CCSER1: variants seen among roughly 807,000 people sequenced by gnomAD.
CCSER1 encodes the protein coiled-coil serine rich protein 1.
A neutral mutation model predicts 82.0 loss-of-function variants in CCSER1; 41 were observed. That is an observed-to-expected ratio of 0.50 (90% CI 0.39 to 0.65). The LOEUF (loss-of-function observed/expected upper bound fraction) is 0.65. Ranked by LOEUF, CCSER1 falls within the 30% of genes least tolerant of loss-of-function variation. The pLI is 0.00. For missense variants in CCSER1, 1,119 were observed against 1,064.2 expected, an observed-to-expected ratio of 1.05 and a Z score of -0.72; for synonymous variants, 414 against 383.9, an observed-to-expected ratio of 1.08 and a Z score of -0.92.
intron 5 of CCSER1, among the ~76,000 whole-genome samples, chr4:90,567,620 T>G (rs2153652118): frequency 6.6e-6 from 1 of 150,566 alleles, no homozygotes; most frequent in South Asian, 2.1e-4. Context: ...TTTTTTTTTT[T>G]TTTTTGACAA....
At chr4:90,168,873 C>T (rs1202284597) in intron 1 of CCSER1, among the ~76,000 whole-genome samples, 1 of 149,446 alleles carries the variant, frequency 6.7e-6, no homozygotes, top group Non-Finnish European at 1.5e-5. Context: ...ATTTTGGTTA[C>T]TGTAGCCTTG....
intron 4 of CCSER1, among the ~76,000 whole-genome samples, chr4:90,455,859 T>C (rs1010358624): frequency 2.0e-5 from 3 of 152,188 alleles, no homozygotes; most frequent in Admixed American, 6.5e-5. Flanking sequence ...CATGCTCACC[T>C]GCGCCGTGCC....
chr4:90,745,767 G>T (rs1014491784), intron 7 of CCSER1, among the ~76,000 whole-genome samples: 2 of 135,068 alleles, frequency 1.5e-5, no homozygotes, highest in African/African-American at 5.6e-5. Flanking sequence ...TCGGCTCACT[G>T]CAAGCTCCGC....
At chr4:91,378,450 T>C (rs969797539) in intron 10 of CCSER1, among the ~76,000 whole-genome samples, 1 of 152,268 alleles carries the variant, frequency 6.6e-6, no homozygotes, top group Admixed American at 6.5e-5. Context: ...TAGTTCTCCT[T>C]GAAGAAGTCC....
intron 3 of CCSER1, among the ~76,000 whole-genome samples, chr4:90,320,797 T>C (rs4694022): frequency 0.61 from 93,365 of 151,922 alleles, 29,845 homozygotes; most frequent in East Asian, 0.82. Context: ...ACAATTTGTA[T>C]GTTTGTTGGG....
chr4:90,882,161 A>G (rs1721428206), intron 8 of CCSER1, among the ~76,000 whole-genome samples: 1 of 152,066 alleles, frequency 6.6e-6, no homozygotes, highest in Non-Finnish European at 1.5e-5. Flanking sequence ...ATCCTCTTTC[A>G]CAGTCCTTTA....
rs888460159 is a variant in CCSER1 at position 90,849,822 on chromosome 4, T to C, written c.2094+33977T>C. Among the ~76,000 whole-genome samples the C allele has an allele frequency of 1.3e-5, 2 of 151,636 alleles. 1 individual carries two copies. The highest frequency in any genetic ancestry group is 4.2e-4 in the South Asian group (2 of 4,798). On this transcript the variant is annotated intron_variant, in intron 8 of 10. Transcript: ENST00000509176. ...AAAAAAAAAAAAAAAGAAAACCCAT[T>C]TTCTGAGGAGAAATTCAAGCCCTAT...
intron 2 of CCSER1, among the ~76,000 whole-genome samples, chr4:90,311,322 C>T (rs968347921): frequency 1.3e-5 from 2 of 152,002 alleles, no homozygotes; most frequent in Non-Finnish European, 2.9e-5. Context: ...GCATATTTTT[C>T]TCTCTCTGGA....
intron 5 of CCSER1, among the ~76,000 whole-genome samples, chr4:90,523,243 G>A (rs1773353476): frequency 6.6e-6 from 1 of 152,058 alleles, no homozygotes; most frequent in South Asian, 2.1e-4. Context: ...TGAGTAAATG[G>A]TTCAAGTTTA....
intron 10 of CCSER1, among the ~76,000 whole-genome samples, chr4:91,590,755 GA>G (rs1194767281): frequency 6.6e-6 from 1 of 152,022 alleles, no homozygotes; most frequent in Non-Finnish European, 1.5e-5. Context: ...TTTAGTAAAG[GA>G]GATGATATTT....
At chr4:91,337,832 A>C (rs1000774904) in intron 10 of CCSER1, among the ~76,000 whole-genome samples, 4 of 152,300 alleles carry the variant, frequency 2.6e-5, no homozygotes, top group East Asian at 1.9e-4. Context: ...AATTTGAATT[A>C]GTCATAGTGG....
chr4:90,376,559 T>C (rs989473703), intron 3 of CCSER1, among the ~76,000 whole-genome samples: 3 of 152,166 alleles, frequency 2.0e-5, no homozygotes, highest in African/African-American at 4.8e-5. Context: ...GGTTGTAGGA[T>C]TTGTCCAGTT....
intron 5 of CCSER1, among the ~76,000 whole-genome samples, chr4:90,491,296 C>T (rs1038030762): frequency 6.6e-5 from 10 of 152,118 alleles, no homozygotes; most frequent in African/African-American, 1.9e-4. Flanking sequence ...AATGGGAGTT[C>T]ACTCATGATT....
At chr4:90,670,089 A>G (rs1383874831) in intron 6 of CCSER1, among the ~76,000 whole-genome samples, 2 of 152,142 alleles carry the variant, frequency 1.3e-5, no homozygotes, top group African/African-American at 4.8e-5. Context: ...TCATGTCTTA[A>G]TTTAAGAAGA....
chr4:90,787,243 G>A (rs1163205343), intron 7 of CCSER1, among the ~76,000 whole-genome samples: 1 of 152,158 alleles, frequency 6.6e-6, no homozygotes, highest in African/African-American at 2.4e-5. Context: ...AAAAGCAGGG[G>A]AAGATTAGAG....
At chr4:90,731,996 G>T (rs1432271804) in intron 7 of CCSER1, among the ~76,000 whole-genome samples, 2 of 146,642 alleles carry the variant, frequency 1.4e-5, no homozygotes, top group African/African-American at 5.2e-5. Flanking sequence ...CAAGTCTGGT[G>T]TTGCACTGAA....
intron 10 of CCSER1, among the ~76,000 whole-genome samples, chr4:91,391,540 A>T (rs1751653088): frequency 6.6e-6 from 1 of 151,988 alleles, no homozygotes; most frequent in South Asian, 2.1e-4. Flanking sequence ...GGCTCAAGTG[A>T]TCTACCCGCC....
intron 5 of CCSER1, among the ~76,000 whole-genome samples, chr4:90,609,592 A>G (rs1267517900): frequency 6.6e-6 from 1 of 152,214 alleles, no homozygotes; most frequent in Admixed American, 6.5e-5. Context: ...AAGGAAAACT[A>G]TAGAGCATTG....
At chr4:91,527,549 A>G (rs1760827390) in intron 10 of CCSER1, among the ~76,000 whole-genome samples, 1 of 152,218 alleles carries the variant, frequency 6.6e-6, no homozygotes, top group South Asian at 2.1e-4. Flanking sequence ...GAAAGGAGAA[A>G]AAAATGGGAA....
Sources: allele counts gnomAD v4.1 joint callset (sites outside exome capture counted in the v4.1 genomes callset), GRCh38; gene constraint gnomAD v4.1.1; transcripts MANE v1.5; gene names NCBI Gene and HGNC (gene_info 2026-07-23, HGNC 2026-07-21).